SMG6: variants seen among roughly 807,000 people sequenced by gnomAD.
SMG6 encodes telomerase-binding protein EST1A.
A neutral mutation model predicts 142.2 loss-of-function variants in SMG6; 66 were observed. The observed-to-expected ratio is 0.46, with a 90% CI of 0.38 to 0.57. SMG6 has a LOEUF of 0.57. Among genes scored for constraint, SMG6 ranks in the 20% least tolerant of loss-of-function variants. SMG6 has a pLI of 0.00. For synonymous variants in SMG6, 779 were observed against 702.4 expected (o/e 1.11, Z -1.72); for missense variants, 1,793 against 1,832.0 (o/e 0.98, Z 0.39).
At chr17:2,208,860 C>T (rs973501669) in intron 10 of SMG6, among the ~76,000 whole-genome samples, 2 of 152,180 alleles carry the variant, frequency 1.3e-5, no homozygotes, top group East Asian at 1.9e-4. Context: ...ATGGTACACA[C>T]GTATCGTGGG....
At chr17:2,222,734 C>T (rs570656419) in intron 10 of SMG6, among the ~76,000 whole-genome samples, 9 of 152,062 alleles carry the variant, frequency 5.9e-5, no homozygotes, top group Non-Finnish European at 1.0e-4. Flanking sequence ...AAAAAGAGAC[C>T]ACTTAGGAGT....
At chr17:2,199,554 A>AAAATAAAT (rs201774067) in intron 10 of SMG6, among the ~76,000 whole-genome samples, 14 of 151,322 alleles carry the variant, frequency 9.3e-5, no homozygotes, top group Admixed American at 5.2e-4. Context: ...AAAATAAATA[A>AAAATAAAT]AAATAAATAA....
At chr17:2,205,706 A>T (rs1226700952) in intron 10 of SMG6, among the ~76,000 whole-genome samples, 1 of 152,220 alleles carries the variant, frequency 6.6e-6, no homozygotes, top group Non-Finnish European at 1.5e-5. Flanking sequence ...CTCAGCACTG[A>T]GTTCTAAAAT....
At chr17:2,129,005 G>C (rs1342338278) in intron 13 of SMG6, among the ~76,000 whole-genome samples, 2 of 152,148 alleles carry the variant, frequency 1.3e-5, no homozygotes, top group African/African-American at 4.8e-5. Flanking sequence ...TGAAGTTTGG[G>C]AGAGTACACT....
intron 8 of SMG6, among the ~76,000 whole-genome samples, chr17:2,248,287 G>C (rs537973433): frequency 6.6e-6 from 1 of 151,982 alleles, no homozygotes; most frequent in South Asian, 2.1e-4. Flanking sequence ...CCTATCTCGG[G>C]GAAAAGAACT....
At chr17:2,267,488 AC>A (rs2074446427) in intron 8 of SMG6, among the ~76,000 whole-genome samples, 1 of 152,030 alleles carries the variant, frequency 6.6e-6, no homozygotes, top group African/African-American at 2.4e-5. Flanking sequence ...GCGTTGAGTC[AC>A]TGTTCCCAGC....
Position 2,087,455 on chromosome 17 carries a change from CTT to C in SMG6, c.3358-1556_3358-1555del, listed in dbSNP as rs2068595463. On this transcript the variant is annotated intron_variant, in intron 13 of 18. Transcript: ENST00000263073. Reference sequence around the variant, plus strand: ...CTACACGGTCTAGGAGTGTTCTCTGCTTTCTCTCACCATTGGCCCTGTTACCA... The same window carrying C: ...CTACACGGTCTAGGAGTGTTCTCTGCTCTCTCACCATTGGCCCTGTTACCA... 6.3e-6 allele frequency: 7 copies of C among 1,107,696 alleles called. No homozygotes were observed. The Admixed American group carries it at 1.7e-4, about 26-fold the overall frequency. The allele number at this position is 1,107,696 out of a possible 1,614,324, so 68.6% of individuals were successfully genotyped here.
intron 15 of SMG6, among the ~76,000 whole-genome samples, chr17:2,077,014 A>G (rs2068278473): frequency 6.6e-6 from 1 of 152,204 alleles, no homozygotes; most frequent in Non-Finnish European, 1.5e-5. Context: ...AGGCAAAGCT[A>G]AACACCAAGC....
chr17:2,215,456 T>C (rs1022967817), intron 10 of SMG6: 21 of 152,202 alleles, frequency 1.4e-4, no homozygotes, highest in African/African-American at 4.8e-4. Context: ...GAGACAGACA[T>C]GAAAAATTGA....
chr17:2,226,597 AAC>A (rs777399128), intron 10 of SMG6, among the ~76,000 whole-genome samples: 6 of 150,910 alleles, frequency 4.0e-5, no homozygotes, highest in Non-Finnish European at 7.4e-5. Flanking sequence ...CAAACAAACA[AAC>A]AAAAAAAAAA....
intron 13 of SMG6, among the ~76,000 whole-genome samples, chr17:2,154,647 C>T (rs2070946429): frequency 6.6e-6 from 1 of 152,128 alleles, no homozygotes; most frequent in Admixed American, 6.5e-5. Context: ...GAGGCCTAGA[C>T]TAACTAGAGG....
intron 13 of SMG6, among the ~76,000 whole-genome samples, chr17:2,158,612 T>C (rs2071079451): frequency 1.3e-5 from 2 of 152,166 alleles, no homozygotes; most frequent in African/African-American, 4.8e-5. Context: ...AAGTCCCTAC[T>C]GTGTAGTCAA....
chr17:2,070,948 C>T (rs2068083031), intron 15 of SMG6, among the ~76,000 whole-genome samples: 1 of 152,362 alleles, frequency 6.6e-6, no homozygotes, highest in African/African-American at 2.4e-5. Flanking sequence ...CCTTTCTCCT[C>T]TTGCGGAGGA....
chr17:2,062,434 C>A (rs2067809941), intron 18 of SMG6: 1 of 152,106 alleles, frequency 6.6e-6, no homozygotes, highest in African/African-American at 2.4e-5. Context: ...ATTAGCCACA[C>A]TTTCAGAGTA....
intron 17 of SMG6, 25 bp from the exon 18 acceptor site, chr17:2,065,179 C>G (rs1450231662): frequency 2.4e-5 from 38 of 1,585,404 alleles, no homozygotes; most frequent in Non-Finnish European, 3.2e-5. Context: ...GTGTGAGAAG[C>G]ACCACTGGGC....
At chr17:2,065,220 G>T in intron 17 of SMG6, 66 bp from the exon 18 acceptor site, 1 of 1,280,366 alleles carries the variant, frequency 7.8e-7, no homozygotes, top group Non-Finnish European at 1.1e-6. Context: ...GGAGGAGGAG[G>T]GATCCTCTGC....
At chr17:2,093,682 CA>C (rs79856712) in intron 13 of SMG6, among the ~76,000 whole-genome samples, 5 of 151,894 alleles carry the variant, frequency 3.3e-5, no homozygotes, top group Admixed American at 2.0e-4. Context: ...GTTGAAGCTG[CA>C]AAAAAAATTT....
intron 1 of SMG6, among the ~76,000 whole-genome samples, chr17:2,301,200 G>GA (rs143540118): frequency 4.6e-5 from 7 of 151,944 alleles, no homozygotes; most frequent in African/African-American, 1.2e-4. Flanking sequence ...CATCTCTGGA[G>GA]AAAAAAAATG....
At chr17:2,217,733 G>A (rs1382420867) in intron 10 of SMG6, among the ~76,000 whole-genome samples, 2 of 152,114 alleles carry the variant, frequency 1.3e-5, no homozygotes, top group East Asian at 1.9e-4. Flanking sequence ...AAGGACCGCC[G>A]GGCACGGTGG....
Sources: gnomAD v4.1 joint callset for allele counts (sites outside exome capture counted in the v4.1 genomes callset) on GRCh38, gnomAD v4.1.1 for gene constraint, MANE v1.5 for transcripts, NCBI Gene and HGNC (gene_info 2026-07-23, HGNC 2026-07-21) for gene names.